Variants in HNRNPR observed in about 807,000 individuals in gnomAD.
HNRNPR encodes the protein heterogeneous nuclear ribonucleoprotein R.
Under a neutral mutation model 70.3 loss-of-function variants are expected in HNRNPR, and 4 were observed. The ratio of observed to expected loss-of-function variants is 0.06; its 90% confidence interval spans 0.03 to 0.13. The LOEUF is 0.13. HNRNPR is among the 10% of genes least tolerant of loss of function. The pLI is 1.00. For synonymous variants in HNRNPR, 241 were observed against 267.6 expected (o/e 0.90, Z 0.97); for missense variants, 423 against 788.5 (o/e 0.54, Z 5.55).
chr1:23,337,911 G>A, intron 3 of HNRNPR, 50 bp from the exon 4 acceptor site: 1 of 1,038,240 alleles, frequency 9.6e-7, no homozygotes, highest in Non-Finnish European at 1.5e-6. Flanking sequence ...AATATCTGAA[G>A]GGTCAGATAC....
chr1:23,337,740 A>C lies in HNRNPR; in HGVS notation c.384+14T>G, dbSNP rs1646556630. ...AAATGCAATTTCATTACAACTACCC[A>C]AGTCAAGTTTTACCTTGATCTTCGC... is the stretch of plus-strand genomic sequence containing the variant. On this transcript the variant is annotated intron_variant, in intron 4 of 10. Coordinates refer to ENST00000302271, the MANE Select transcript of HNRNPR (RefSeq NM_005826.5). 1.3e-6 allele frequency: 2 copies of C among 1,502,594 alleles called. No homozygotes were observed. Among genetic ancestry groups the C allele is most frequent in the Non-Finnish European group, 1.8e-6 (2 of 1,085,816 alleles). 93.1% of individuals were successfully genotyped at this position (1,502,594 alleles called of 1,614,324 possible).
intron 4 of HNRNPR, among the ~76,000 whole-genome samples, chr1:23,335,450 C>A (rs571653695): frequency 6.6e-6 from 1 of 152,204 alleles, no homozygotes; most frequent in Non-Finnish European, 1.5e-5. Context: ...AGGTAAATAG[C>A]GGGCAAGTGA....
At chr1:23,321,071 G>A (rs1645736945) in intron 7 of HNRNPR, among the ~76,000 whole-genome samples, 1 of 147,710 alleles carries the variant, frequency 6.8e-6, no homozygotes, top group African/African-American at 2.5e-5. Flanking sequence ...GCTGAGGCAG[G>A]AGAATTGCTT....
intron 5 of HNRNPR, 30 bp from the exon 6 acceptor site, chr1:23,323,762 A>G: frequency 1.3e-6 from 2 of 1,589,242 alleles, no homozygotes; most frequent in African/African-American, 1.3e-5. Context: ...TTAGAATCCA[A>G]CATAAGCATT....
rs1420799229 is a variant in HNRNPR at position 23,325,089 on chromosome 1, G to A, written c.499-1357C>T. On this transcript the variant is annotated intron_variant, in intron 5 of 10. Transcript: ENST00000302271. ...CGGGAGGCGGAGCTTGCAGGGAGCCGAGATCGCGCCACTACACTCCAGCCT... is the reference window on the plus strand; with the variant it reads ...CGGGAGGCGGAGCTTGCAGGGAGCCAAGATCGCGCCACTACACTCCAGCCT... 2.6e-5 allele frequency among the ~76,000 whole-genome samples: 4 copies of A among 151,938 alleles called. No homozygotes were observed. In the East Asian group the frequency reaches 7.8e-4, roughly 30 times the overall value.
intron 1 of HNRNPR, among the ~76,000 whole-genome samples, chr1:23,343,967 G>A (rs1646810987): frequency 6.6e-6 from 1 of 152,136 alleles, no homozygotes; most frequent in African/African-American, 2.4e-5. Context: ...CGCGGAGAGC[G>A]CCCAGCGGGC....
rs552324332 is a variant in HNRNPR, at chr1:23,322,238, CT to C, written c.676-576del. On this transcript the variant is annotated intron_variant, in intron 6 of 10. Coordinates refer to ENST00000302271, the MANE Select transcript of HNRNPR (RefSeq NM_005826.5). The stretch of plus-strand genomic sequence containing the variant: ...TGGATTTTCTTGATAAATTGTAGCC[CT>C]TTTTTTTTTTTCTTAAGATGGAGTC... 9.2e-3 allele frequency among the ~76,000 whole-genome samples: 1,344 copies of C among 145,472 alleles called. 12 individuals are homozygous for C. The highest frequency in any genetic ancestry group is 0.035 in the Middle Eastern group (10 of 286).
At chr1:23,311,950 A>C (rs1007769591) in intron 9 of HNRNPR, 1 of 152,294 alleles carries the variant, frequency 6.6e-6, no homozygotes, top group Non-Finnish European at 1.5e-5. Flanking sequence ...ATGAAGACTC[A>C]AGCAATTATG....
chr1:23,313,032 CACA>C (rs1375702400), intron 9 of HNRNPR, among the ~76,000 whole-genome samples: 2 of 152,128 alleles, frequency 1.3e-5, no homozygotes, highest in Non-Finnish European at 2.9e-5. Context: ...AACTATTATA[CACA>C]AGTGATATCT....
chr1:23,343,145 C>A (rs991037782), intron 1 of HNRNPR, among the ~76,000 whole-genome samples: 1 of 152,002 alleles, frequency 6.6e-6, no homozygotes, highest in Non-Finnish European at 1.5e-5. Flanking sequence ...TTTCTGGATG[C>A]AGCAAATATA....
intron 9 of HNRNPR, among the ~76,000 whole-genome samples, chr1:23,312,130 A>C (rs1445516000): frequency 6.6e-6 from 1 of 152,170 alleles, no homozygotes; most frequent in Non-Finnish European, 1.5e-5. Context: ...GGCACACATA[A>C]AAAAATGTTC....
Position 23,311,115 on chromosome 1 carries a change from A to G in HNRNPR, c.1290-49T>C, listed in dbSNP as rs777848600. On this transcript the variant is annotated intron_variant, in intron 10 of 10. Coordinates refer to ENST00000302271, the MANE Select transcript of HNRNPR (RefSeq NM_005826.5). ...AAGAAAAAACAAATCAGTTTGCTTC[A>G]AGACTCTGATTTTGTTTTATTAATC... 6 of 1,608,684 alleles carry G rather than the reference A, an allele frequency of 3.7e-6. No individual in the cohort carries two copies. In the African/African-American group the frequency reaches 6.7e-5, roughly 18 times the overall value.
At chr1:23,321,935 CTA>C (rs1353496294) in intron 6 of HNRNPR, among the ~76,000 whole-genome samples, 2 of 152,184 alleles carry the variant, frequency 1.3e-5, no homozygotes, top group Middle Eastern at 3.4e-3. Context: ...TTAATTTTAT[CTA>C]TCTGAAAATG....
intron 7 of HNRNPR, among the ~76,000 whole-genome samples, chr1:23,319,931 A>G (rs1447041469): frequency 1.3e-5 from 2 of 152,206 alleles, no homozygotes; most frequent in Non-Finnish European, 2.9e-5. Flanking sequence ...ATCTTATCAG[A>G]AAAGTCTTCC....
intron 4 of HNRNPR, among the ~76,000 whole-genome samples, chr1:23,334,923 GTT>G (rs922757473): frequency 2.1e-5 from 3 of 145,336 alleles, no homozygotes; most frequent in African/African-American, 2.5e-5. Flanking sequence ...AGTTTTTTTG[GTT>G]TTTTTTTTTT....
chr1:23,313,749 A>G (rs1320298091), intron 8 of HNRNPR, 47 bp from the exon 9 acceptor site: 1 of 1,574,960 alleles, frequency 6.3e-7, no homozygotes, highest in Non-Finnish European at 8.6e-7. Context: ...ACTTAATTTT[A>G]CCTGAAAAGT....
rs151030933 is a variant in HNRNPR at position 23,318,995 on chromosome 1, C to A, written c.812-307G>T. Among the ~76,000 whole-genome samples, 2 of 152,174 alleles carry A rather than the reference C, an allele frequency of 1.3e-5. No individual in the cohort carries two copies. Among genetic ancestry groups the A allele is most frequent in the African/African-American group, 4.8e-5 (2 of 41,446 alleles). On this transcript the variant is annotated intron_variant, in intron 7 of 10. Coordinates refer to ENST00000302271, the MANE Select transcript of HNRNPR (RefSeq NM_005826.5). This position sits in a 1 kb window ranked among gnomAD's most constrained non-coding sequence, Gnocchi z 4.2. ...TAACATGACTTTATTAAAGCACTAA[C>A]AAGGATCTTAAAAACAAAATTAGTA... is the stretch of plus-strand genomic sequence containing the variant.
chr1:23,328,439 G>A (rs1054427820), intron 5 of HNRNPR, among the ~76,000 whole-genome samples: 2 of 152,144 alleles, frequency 1.3e-5, no homozygotes, highest in East Asian at 1.9e-4. Context: ...GTGAGTTTTC[G>A]GTTATACTGG....
At chr1:23,342,661 TC>T (rs1157825442) in intron 1 of HNRNPR, among the ~76,000 whole-genome samples, 1 of 152,042 alleles carries the variant, frequency 6.6e-6, no homozygotes, top group Non-Finnish European at 1.5e-5. Context: ...TTTCCCATGC[TC>T]CCCCATCCCC....
Sources: allele counts gnomAD v4.1 joint callset (sites outside exome capture counted in the v4.1 genomes callset), GRCh38; gene constraint gnomAD v4.1.1; non-coding constraint Gnocchi (gnomAD v3.1); transcripts MANE v1.5; gene names NCBI Gene and HGNC (gene_info 2026-07-23, HGNC 2026-07-21).